LRRTM4: variants seen among roughly 807,000 people sequenced by gnomAD.
LRRTM4 encodes the protein leucine rich repeat transmembrane neuronal 4.
Under a neutral mutation model 47.6 loss-of-function variants are expected in LRRTM4, and 25 were observed. The observed-to-expected ratio is 0.53, with a 90% CI of 0.38 to 0.73. The LOEUF (loss-of-function observed/expected upper bound fraction) is 0.73. LRRTM4 is among the 30% of genes least tolerant of loss of function. The pLI is 0.00. For missense variants in LRRTM4, 638 were observed against 713.4 expected, an observed-to-expected ratio of 0.89 and a Z score of 1.20; for synonymous variants, 311 against 269.5, an observed-to-expected ratio of 1.15 and a Z score of -1.51.
intron 3 of LRRTM4, among the ~76,000 whole-genome samples, chr2:76,798,716 A>G (rs1445361278): frequency 1.3e-5 from 2 of 150,836 alleles, no homozygotes; most frequent in Non-Finnish European, 3.0e-5. Context: ...AGACTAATAA[A>G]GAAGAAAAGA....
chr2:76,908,345 A>G (rs1673925314), intron 3 of LRRTM4, among the ~76,000 whole-genome samples: 1 of 152,058 alleles, frequency 6.6e-6, no homozygotes, highest in Admixed American at 6.5e-5. Flanking sequence ...CCATATCTCA[A>G]AATCATAAGA....
intron 3 of LRRTM4, among the ~76,000 whole-genome samples, chr2:77,373,756 G>T (rs1672732504): frequency 6.6e-6 from 1 of 151,744 alleles, no homozygotes; most frequent in African/African-American, 2.4e-5. Flanking sequence ...AAATAGCCAG[G>T]AAGTAAGGTG....
At chr2:76,889,055 C>T (rs1220137334) in intron 3 of LRRTM4, among the ~76,000 whole-genome samples, 1 of 151,826 alleles carries the variant, frequency 6.6e-6, no homozygotes, top group Non-Finnish European at 1.5e-5. Flanking sequence ...ATGACAACAT[C>T]ACAAAGGCTA....
intron 3 of LRRTM4, among the ~76,000 whole-genome samples, chr2:76,897,265 A>G (rs1023761430): frequency 2.0e-5 from 3 of 152,124 alleles, no homozygotes; most frequent in African/African-American, 7.2e-5. Context: ...CTCTCTGGAA[A>G]TTAAACTCCT....
intron 3 of LRRTM4, among the ~76,000 whole-genome samples, chr2:76,820,903 CTGGAGGCTGTGAAAAT>C (rs57913205): frequency 0.43 from 64,416 of 151,404 alleles, 14,331 homozygotes; most frequent in East Asian, 0.68. Context: ...CACCCGTTCT[CTGGAGGCTGTGAAAAT>C]TAGGGCAAAC....
intron 3 of LRRTM4, among the ~76,000 whole-genome samples, chr2:76,877,166 C>T (rs530827253): frequency 2.4e-4 from 36 of 152,180 alleles, no homozygotes; most frequent in African/African-American, 7.7e-4. Context: ...TCTGTCTGCT[C>T]TGTTTCTTCA....
At chr2:77,499,276 C>A (rs1678481602) in intron 3 of LRRTM4, among the ~76,000 whole-genome samples, 2 of 151,810 alleles carry the variant, frequency 1.3e-5, no homozygotes, top group South Asian at 4.1e-4. Context: ...AGTTTAAAAC[C>A]TTTAATAGAT....
chr2:76,909,148 A>C (rs2103772587), intron 3 of LRRTM4, among the ~76,000 whole-genome samples: 1 of 152,324 alleles, frequency 6.6e-6, no homozygotes, highest in East Asian at 1.9e-4. Flanking sequence ...AAACAGAGAT[A>C]TAGATCAATG....
intron 3 of LRRTM4, among the ~76,000 whole-genome samples, chr2:76,751,700 A>T (rs1032671379): frequency 1.3e-5 from 2 of 152,140 alleles, no homozygotes; most frequent in African/African-American, 2.4e-5. Flanking sequence ...CTATTTTAGG[A>T]AACCTCATAG....
intron 3 of LRRTM4, among the ~76,000 whole-genome samples, chr2:76,999,504 C>A (rs1175999070): frequency 1.3e-5 from 2 of 150,942 alleles, no homozygotes; most frequent in Non-Finnish European, 1.5e-5. Context: ...GGCAGATAAA[C>A]AGTTTCTCTC....
At chr2:76,949,115 A>G (rs867760399) in intron 3 of LRRTM4, among the ~76,000 whole-genome samples, 9 of 151,558 alleles carry the variant, frequency 5.9e-5, no homozygotes, top group South Asian at 2.1e-4. Context: ...GCTTTAGCTA[A>G]TAAAAATACA....
At chr2:77,031,696 G>A (rs1678661534) in intron 3 of LRRTM4, among the ~76,000 whole-genome samples, 1 of 151,656 alleles carries the variant, frequency 6.6e-6, no homozygotes, top group South Asian at 2.1e-4. Context: ...AACGTCTCCA[G>A]TCAATAATGA....
Position 76,748,351 on chromosome 2 carries a change from T to A in LRRTM4, c.*344A>T. 4.4e-6 allele frequency: 1 copy of A among 228,324 alleles called. No homozygotes were observed. The highest frequency in any genetic ancestry group is 8.7e-6 in the Non-Finnish European group (1 of 114,556). The allele number at this position is 228,324 out of a possible 1,614,324, so 14.1% of individuals were successfully genotyped here. Reference sequence around the variant, plus strand: ...CTGTGGTTCTCCAGCCCAGGAACCATGCAGTGTAGAAAAATCAAATATACA... The same window carrying A: ...CTGTGGTTCTCCAGCCCAGGAACCAAGCAGTGTAGAAAAATCAAATATACA... On this transcript the variant is annotated 3_prime_UTR_variant, in exon 4 of 4. Transcript: ENST00000409884.
At chr2:76,792,025 CAGAA>C (rs1385307972) in intron 3 of LRRTM4, among the ~76,000 whole-genome samples, 1 of 152,060 alleles carries the variant, frequency 6.6e-6, no homozygotes, top group Non-Finnish European at 1.5e-5. Context: ...TGTTCCATTT[CAGAA>C]AGAAAGTCAG....
Position 76,837,240 on chromosome 2 carries a change from C to A in LRRTM4, c.1552-88324G>T, listed in dbSNP as rs1267965492. Among the ~76,000 whole-genome samples the A allele has an allele frequency of 3.3e-5, 5 of 151,892 alleles. No individual in the cohort carries two copies. In the East Asian group the frequency reaches 7.7e-4, roughly 24 times the overall value. ...GGATCGGTGGTGATATCCCCTTTAT[C>A]ATTTTTTATTGCGTCTATTTGATTC... is the stretch of plus-strand genomic sequence containing the variant. On this transcript the variant is annotated intron_variant, in intron 3 of 3. Transcript: ENST00000409884.
rs912276213 is a variant in LRRTM4 at position 77,299,258 on chromosome 2, TACAC to T, written c.1551+219056_1551+219059del. ...CTCTCTCTCTTTATCTATATATATA[TACAC>T]ACACACACACACACACACACACACA... On this transcript the variant is annotated intron_variant, in intron 3 of 3. Transcript: ENST00000409884. Among the ~76,000 whole-genome samples the T allele has an allele frequency of 4.5e-4, 30 of 67,288 alleles. No individual in the cohort carries two copies. The East Asian group carries it at 6.4e-3, about 14-fold the overall frequency. 44.1% of individuals were successfully genotyped at this position (67,288 alleles called of 152,430 possible). A position where few individuals can be genotyped will look rare whatever the true frequency, so the allele number is the denominator to read the frequency against.
chr2:76,917,708 A>C (rs150344079), intron 3 of LRRTM4, among the ~76,000 whole-genome samples: 13 of 152,254 alleles, frequency 8.5e-5, no homozygotes, highest in Admixed American at 2.6e-4. Context: ...AAAAAGAAGA[A>C]ATGAGAAGCA....
At chr2:77,267,947 T>A (rs7579857) in intron 3 of LRRTM4, among the ~76,000 whole-genome samples, 7,405 of 152,200 alleles carry the variant, frequency 0.049, 592 homozygotes, top group African/African-American at 0.17. Flanking sequence ...CATTATAACA[T>A]TTTTTTCCTT....
At chr2:76,803,434 A>AAGAC (rs1179728645) in intron 3 of LRRTM4, among the ~76,000 whole-genome samples, 1 of 152,182 alleles carries the variant, frequency 6.6e-6, no homozygotes, top group Non-Finnish European at 1.5e-5. Flanking sequence ...TATTATAAGA[A>AAGAC]AGACAAAAAA....
Sources: allele counts gnomAD v4.1 joint callset (sites outside exome capture counted in the v4.1 genomes callset), GRCh38; gene constraint gnomAD v4.1.1; transcripts MANE v1.5; gene names NCBI Gene and HGNC (gene_info 2026-07-23, HGNC 2026-07-21).